VWA2: variants seen among roughly 807,000 people sequenced by gnomAD.
VWA2 encodes the protein von Willebrand factor A domain containing 2, also known as von Willebrand factor A domain-containing protein 2.
A neutral mutation model predicts 70.4 loss-of-function variants in VWA2; 73 were observed. That is an observed-to-expected ratio of 1.04 (90% CI 0.86 to 1.26). The LOEUF (loss-of-function observed/expected upper bound fraction) is 1.26, where lower values mean the gene tolerates loss of function less well. VWA2 is among the 50% of genes most tolerant of loss of function. The probability of loss-of-function intolerance (pLI) is 0.00; values close to 1 mark genes in which losing one functional copy is unlikely to be tolerated. For synonymous variants in VWA2, 407 were observed against 423.3 expected (o/e 0.96, Z 0.47); for missense variants, 1,011 against 998.5 (o/e 1.01, Z -0.17).
chr10:114,290,787 CT>C (rs1447175390), intron 13 of VWA2, among the ~76,000 whole-genome samples: 1 of 152,006 alleles, frequency 6.6e-6, no homozygotes, highest in Non-Finnish European at 1.5e-5. Flanking sequence ...GCTGGAAGCT[CT>C]TTTTGGGGTG....
At chr10:114,275,439 T>C (rs2037815119) in intron 6 of VWA2, among the ~76,000 whole-genome samples, 1 of 152,200 alleles carries the variant, frequency 6.6e-6, no homozygotes, top group African/African-American at 2.4e-5. Context: ...CCAGACACAG[T>C]GCCTTGAGCA....
chr10:114,244,983 C>G (rs1282129431), intron 1 of VWA2, among the ~76,000 whole-genome samples: 1 of 152,182 alleles, frequency 6.6e-6, no homozygotes. Context: ...TCTGTAGTCT[C>G]AGGCATTTGC....
chr10:114,278,846 C>T lies in VWA2; in HGVS notation c.828C>T (p.Phe276=). 2 of 1,613,042 alleles carry T rather than the reference C, an allele frequency of 1.2e-6. No homozygotes were observed. Among genetic ancestry groups the T allele is most frequent in the East Asian group, 4.5e-5 (2 of 44,878 alleles). The change falls in exon 8 of 14, where the codon TTC becomes TTT. Residue 276 remains phenylalanine, a synonymous_variant. Coordinates refer to ENST00000392982, the MANE Select transcript of VWA2 (RefSeq NM_001272046.2). ...TLAVLAAHCP[F]YSWKRVFLTH... ...CGGTGCTGGCTGCACACTGTCCCTTCTACAGGTTTGTCTGCGCGGTCTGGG... is the reference window on the plus strand; with the variant it reads ...CGGTGCTGGCTGCACACTGTCCCTTTTACAGGTTTGTCTGCGCGGTCTGGG...
At chr10:114,240,848 TCA>T (rs1270403277) in intron 1 of VWA2, among the ~76,000 whole-genome samples, 1 of 152,236 alleles carries the variant, frequency 6.6e-6, no homozygotes, top group Non-Finnish European at 1.5e-5. Flanking sequence ...TAAGAATTTC[TCA>T]GACTAGGTCC....
At chr10:114,239,828 TC>T (rs1379546603) in intron 1 of VWA2, among the ~76,000 whole-genome samples, 1 of 152,070 alleles carries the variant, frequency 6.6e-6, no homozygotes, top group Non-Finnish European at 1.5e-5. Flanking sequence ...TCGCGGTCCG[TC>T]CCGGGCGAGC....
intron 5 of VWA2, among the ~76,000 whole-genome samples, chr10:114,264,653 T>C (rs1318940169): frequency 1.3e-5 from 2 of 152,118 alleles, no homozygotes; most frequent in African/African-American, 4.8e-5. Context: ...TCTCCTGACC[T>C]CGTGATCTGC....
intron 6 of VWA2, among the ~76,000 whole-genome samples, chr10:114,277,198 T>TTTTTC (rs1564727796): frequency 1.4e-5 from 2 of 143,476 alleles, no homozygotes; most frequent in Non-Finnish European, 3.0e-5. Flanking sequence ...TTTTTTTTTT[T>TTTTTC]CTGGAGACAG....
In VWA2 at chr10:114,291,387, T is replaced by C. The variant is rs2039586136; in HGVS notation, c.*150T>C. 3.3e-6 allele frequency: 3 copies of C among 897,964 alleles called. No individual in the cohort carries two copies. In the South Asian group the frequency reaches 5.4e-5, roughly 16 times the overall value. 55.6% of individuals were successfully genotyped at this position (897,964 alleles called of 1,614,324 possible). On this transcript the variant is annotated 3_prime_UTR_variant, in exon 14 of 14. Coordinates refer to ENST00000392982, the MANE Select transcript of VWA2 (RefSeq NM_001272046.2). ...CTTCCCGCCGTGGCCAGGACCACTA[T>C]TCTCACTGAGGGAGGAGGATGTCCC...
intron 4 of VWA2, among the ~76,000 whole-genome samples, chr10:114,260,723 G>C (rs939684330): frequency 6.6e-6 from 1 of 152,288 alleles, no homozygotes; most frequent in African/African-American, 2.4e-5. Context: ...GTAAGCATTT[G>C]CCTTGGGCCA....
intron 6 of VWA2, among the ~76,000 whole-genome samples, chr10:114,276,673 A>ATTT (rs34808735): frequency 1.4e-4 from 16 of 113,690 alleles, no homozygotes; most frequent in South Asian, 2.8e-4. Context: ...ACACCCAGCA[A>ATTT]TTTTTTTTTT....
In VWA2 at chr10:114,252,364, T is replaced by C. The variant is rs542705962; in HGVS notation, c.53-1287T>C. 1.6e-4 allele frequency among the ~76,000 whole-genome samples: 25 copies of C among 152,070 alleles called. No individual in the cohort carries two copies. The South Asian group carries it at 5.2e-3, about 32-fold the overall frequency. On this transcript the variant is annotated intron_variant, in intron 2 of 13. Coordinates refer to ENST00000392982, the MANE Select transcript of VWA2 (RefSeq NM_001272046.2). Reference sequence around the variant, plus strand: ...TAGAGATTGAGGGGAGGAGGGAGTATTAGGTGAGCAGGAGCTGTCTGCTCA... The same window carrying C: ...TAGAGATTGAGGGGAGGAGGGAGTACTAGGTGAGCAGGAGCTGTCTGCTCA...
At chr10:114,282,338 A>G (rs1179958240) in intron 8 of VWA2, among the ~76,000 whole-genome samples, 178 bp from the exon 9 acceptor site, 4 of 152,138 alleles carry the variant, frequency 2.6e-5, no homozygotes, top group Admixed American at 6.5e-5. Context: ...AGTTTGAAAC[A>G]TTCCCTACTC....
intron 9 of VWA2, among the ~76,000 whole-genome samples, chr10:114,283,099 G>A (rs901851198): frequency 6.6e-6 from 1 of 152,210 alleles, no homozygotes; most frequent in Non-Finnish European, 1.5e-5. Flanking sequence ...TGGTTCACCA[G>A]TGTGCCCTCA....
At chr10:114,262,554 G>T (rs1339096259) in intron 5 of VWA2, among the ~76,000 whole-genome samples, 2 of 152,006 alleles carry the variant, frequency 1.3e-5, no homozygotes, top group Non-Finnish European at 1.5e-5. Flanking sequence ...GCCATTTATG[G>T]CTGTCTCCTC....
chr10:114,257,692 G>T (rs929197081), intron 4 of VWA2, among the ~76,000 whole-genome samples: 1 of 152,236 alleles, frequency 6.6e-6, no homozygotes, highest in African/African-American at 2.4e-5. Flanking sequence ...GTATGTGCGT[G>T]TGAGGAGGGA....
intron 8 of VWA2, among the ~76,000 whole-genome samples, chr10:114,280,423 G>A (rs1397103252): frequency 6.6e-6 from 1 of 152,194 alleles, no homozygotes; most frequent in Non-Finnish European, 1.5e-5. Context: ...AGCAAGATGG[G>A]GATGCGGTGG....
At chr10:114,269,179 T>TA (rs1336946449) in intron 5 of VWA2, among the ~76,000 whole-genome samples, 3 of 152,184 alleles carry the variant, frequency 2.0e-5, no homozygotes, top group Non-Finnish European at 4.4e-5. Flanking sequence ...GAAGGGTAAG[T>TA]ACCGTCAGGC....
At chr10:114,285,009 A>G (rs773012175) in intron 10 of VWA2, 39 bp downstream of exon 10, 1 of 1,490,056 alleles carries the variant, frequency 6.7e-7, no homozygotes, top group Non-Finnish European at 9.0e-7. Context: ...ACCACTGGGG[A>G]GCAAGAAGAG....
intron 11 of VWA2, among the ~76,000 whole-genome samples, chr10:114,287,890 T>C (rs1463372011): frequency 6.6e-6 from 1 of 152,168 alleles, no homozygotes; most frequent in African/African-American, 2.4e-5. Flanking sequence ...TTTTACCTAA[T>C]GTCTTTTTTG....
Sources: gnomAD v4.1 joint callset for allele counts (sites outside exome capture counted in the v4.1 genomes callset) on GRCh38, gnomAD v4.1.1 for gene constraint, MANE v1.5 for transcripts, NCBI Gene and HGNC (gene_info 2026-07-23, HGNC 2026-07-21) for gene names.